Variants in ACSM1 observed in about 807,000 individuals in gnomAD.
ACSM1 encodes the protein acyl-coenzyme A synthetase ACSM1, mitochondrial.
In ACSM1, 79 loss-of-function variants were observed where a neutral mutation model predicts 75.8. That is an observed-to-expected ratio of 1.04 (90% CI 0.87 to 1.26). The LOEUF (loss-of-function observed/expected upper bound fraction) is 1.26. Ranked by LOEUF, ACSM1 falls within the 50% of genes most tolerant of loss-of-function variation. The pLI is 0.00. For missense variants in ACSM1, 676 were observed against 720.1 expected (o/e 0.94, Z 0.70); for synonymous variants, 279 against 265.8 (o/e 1.05, Z -0.48).
rs757868634 is a variant in ACSM1, at chr16:20,691,176, T to C, written c.13A>G (p.Met5Val). The C allele has an allele frequency of 8.2e-6, 13 of 1,592,258 alleles. No homozygotes were observed. Among genetic ancestry groups the C allele is most frequent in the Non-Finnish European group, 8.5e-6 (10 of 1,171,754 alleles). The change falls in exon 2 of 14, where the codon ATG becomes GTG. Residue 5 changes from methionine to valine, a missense_variant. Coordinates refer to ENST00000520010, the MANE Select transcript of ACSM1 (RefSeq NM_001318890.3). ...ATGCCCCAGAGGGTCCGGAACCTCA[T>C]TAGCCACTGCATGGTGAAACAGTCC... is the stretch of plus-strand genomic sequence containing the variant. MQWLMRFRTLWGIHK... is the reference protein window; with the variant it reads MQWLVRFRTLWGIHK...
At chr16:20,664,064 T>C (rs1478265686) in intron 6 of ACSM1, among the ~76,000 whole-genome samples, 2 of 152,154 alleles carry the variant, frequency 1.3e-5, no homozygotes, top group Non-Finnish European at 2.9e-5. Context: ...AGCAGACTCT[T>C]GCAACAGATT....
rs941855914 is a variant in ACSM1, at chr16:20,653,489, G to A, written c.992+8305C>T. ...GACCCTGTTTGCAGATGACATGATTGTATATTTAAAAAACCCCATCGTCTC... is the reference window on the plus strand; with the variant it reads ...GACCCTGTTTGCAGATGACATGATTATATATTTAAAAAACCCCATCGTCTC... On this transcript the variant is annotated intron_variant, in intron 7 of 13. Transcript: ENST00000520010. Among the ~76,000 whole-genome samples the A allele has an allele frequency of 3.3e-5, 5 of 152,260 alleles. No individual in the cohort carries two copies. In the East Asian group the frequency reaches 5.8e-4, roughly 18 times the overall value.
At chr16:20,659,825 C>T (rs2019202063) in intron 7 of ACSM1, among the ~76,000 whole-genome samples, 1 of 152,174 alleles carries the variant, frequency 6.6e-6, no homozygotes, top group Admixed American at 6.5e-5. Flanking sequence ...ACTTGGTTTC[C>T]ACAATCCTTT....
intron 2 of ACSM1, among the ~76,000 whole-genome samples, chr16:20,689,101 TGTG>T (rs1567313696): frequency 6.6e-6 from 1 of 150,768 alleles, no homozygotes; most frequent in Non-Finnish European, 1.5e-5. Context: ...TAACATAAAG[TGTG>T]GGGAGGGGCT....
At position 20,685,330 on chromosome 16, in the gene ACSM1, C is replaced by CT; in HGVS notation, c.265dup (p.Arg89LysfsTer35). On this transcript the variant is annotated frameshift_variant, in exon 3 of 14. Transcript: ENST00000520010. LOFTEE classifies it high-confidence loss of function. ...ACGGCGGGTTAGGTCTCCCATCTCT[C>CT]TGAAGCTCCACTTTACTTCATCCCC... 1 of 1,614,216 alleles carries CT rather than the reference C, an allele frequency of 6.2e-7. No homozygotes were observed. Among genetic ancestry groups the CT allele is most frequent in the Non-Finnish European group, 8.5e-7 (1 of 1,180,024 alleles).
In ACSM1 at chr16:20,669,885, G is replaced by C. The variant is rs770284765; in HGVS notation, c.854C>G (p.Ala285Gly). 6.2e-7 allele frequency: 1 copy of C among 1,613,908 alleles called. No homozygotes were observed. Among genetic ancestry groups the C allele is most frequent in the Non-Finnish European group, 8.5e-7 (1 of 1,179,896 alleles). The change falls in exon 6 of 14, where the codon GCG becomes GGG. Residue 285 changes from alanine to glycine, a missense_variant. Physicochemically the swap from Ala to Gly is moderately conservative, Grantham distance 60. Coordinates refer to ENST00000520010, the MANE Select transcript of ACSM1 (RefSeq NM_001318890.3). Reference sequence around the variant, plus strand: ...ATGGTGGATAAAGACTGTACAACCCGCTGTCCATGGTTCTACCAGGGTCCA... The same window carrying C: ...ATGGTGGATAAAGACTGTACAACCCCCTGTCCATGGTTCTACCAGGGTCCA... ...TIWTLVEPWTAGCTVFIHHLP... is the reference protein window; with the variant it reads ...TIWTLVEPWTGGCTVFIHHLP...
chr16:20,685,238 G>C lies in ACSM1; in HGVS notation c.358C>G (p.Arg120Gly). Residue 120 changes from arginine to glycine, a missense_variant, in exon 3 of 14, where the codon CGA becomes GGA. Arg to Gly is a moderately radical substitution (Grantham distance 125). Coordinates refer to ENST00000520010, the MANE Select transcript of ACSM1 (RefSeq NM_001318890.3). ...QGDHLALMLPRVPEWWLVAVG... is the reference protein window; with the variant it reads ...QGDHLALMLPGVPEWWLVAVG... ...GCCACCAGCCACCACTCAGGAACTCGAGGCAGCATCAAGGCCAGATGGTCT... is the reference window on the plus strand; with the variant it reads ...GCCACCAGCCACCACTCAGGAACTCCAGGCAGCATCAAGGCCAGATGGTCT... The C allele has an allele frequency of 1.9e-6, 3 of 1,614,160 alleles. No individual in the cohort carries two copies. Among genetic ancestry groups the C allele is most frequent in the Middle Eastern group, 1.6e-4 (1 of 6,062 alleles).
In ACSM1 at chr16:20,656,890, G is replaced by A. The variant is rs192863454; in HGVS notation, c.992+4904C>T. The stretch of plus-strand genomic sequence containing the variant: ...AAGACCAAACCCTCCAAATCAAGAA[G>A]AGGTTACAAAAAAAAAAAAAATGCC... On this transcript the variant is annotated intron_variant, in intron 7 of 13. Coordinates refer to ENST00000520010, the MANE Select transcript of ACSM1 (RefSeq NM_001318890.3). Among the ~76,000 whole-genome samples the A allele has an allele frequency of 7.2e-3, 986 of 137,142 alleles. 5 individuals carry two copies. Among genetic ancestry groups the A allele is most frequent in the African/African-American group, 0.026 (937 of 36,710 alleles). The allele number at this position is 137,142 out of a possible 152,430, so 90.0% of individuals were successfully genotyped here.
intron 8 of ACSM1, among the ~76,000 whole-genome samples, 157 bp downstream of exon 8, chr16:20,640,304 A>C (rs917502584): frequency 6.6e-6 from 1 of 152,172 alleles, no homozygotes; most frequent in Non-Finnish European, 1.5e-5. Flanking sequence ...TTTTTCCCCA[A>C]TATCTGCCTT....
intron 1 of ACSM1, among the ~76,000 whole-genome samples, chr16:20,696,181 G>A (rs2079688773): frequency 6.6e-6 from 1 of 152,194 alleles, no homozygotes; most frequent in Admixed American, 6.5e-5. Context: ...TACACTCTAT[G>A]AGTTCCCATA....
At chr16:20,644,794 A>T (rs2018267625) in intron 7 of ACSM1, among the ~76,000 whole-genome samples, 1 of 152,242 alleles carries the variant, frequency 6.6e-6, no homozygotes, top group South Asian at 2.1e-4. Flanking sequence ...CAAACTTACA[A>T]GGGTTTAAAC....
intron 7 of ACSM1, among the ~76,000 whole-genome samples, chr16:20,655,046 C>T (rs911447717): frequency 3.0e-4 from 46 of 152,188 alleles, no homozygotes; most frequent in Non-Finnish European, 5.4e-4. Flanking sequence ...GGCACATATA[C>T]ACCATGGAAT....
At chr16:20,624,350 G>T in intron 12 of ACSM1, 135 bp from the exon 13 acceptor site, 2 of 1,052,310 alleles carry the variant, frequency 1.9e-6, no homozygotes, top group Non-Finnish European at 2.5e-6. Context: ...AGGACCAGGT[G>T]TAAATCCCTG....
At chr16:20,657,300 T>G (rs1426617062) in intron 7 of ACSM1, among the ~76,000 whole-genome samples, 1 of 150,446 alleles carries the variant, frequency 6.6e-6, no homozygotes, top group Non-Finnish European at 1.5e-5. Context: ...GTTTTTTTGG[T>G]TTTGTTTTTT....
chr16:20,642,491 G>A (rs1048855211), intron 7 of ACSM1, among the ~76,000 whole-genome samples: 1 of 152,188 alleles, frequency 6.6e-6, no homozygotes, highest in African/African-American at 2.4e-5. Context: ...TATTCAGAAG[G>A]CTAGAGCCAA....
chr16:20,640,971 G>A (rs1404990154), intron 7 of ACSM1, among the ~76,000 whole-genome samples: 1 of 152,152 alleles, frequency 6.6e-6, no homozygotes, highest in East Asian at 1.9e-4. Flanking sequence ...ACATGCTAGG[G>A]TGATAATAGA....
At chr16:20,697,065 G>T (rs1474495464) in intron 1 of ACSM1, among the ~76,000 whole-genome samples, 1 of 152,036 alleles carries the variant, frequency 6.6e-6, no homozygotes, top group Non-Finnish European at 1.5e-5. Context: ...AAATTCTGAA[G>T]CCAACCCCCT....
chr16:20,695,773 G>T (rs538002798), intron 1 of ACSM1, among the ~76,000 whole-genome samples: 80 of 152,066 alleles, frequency 5.3e-4, no homozygotes, highest in African/African-American at 1.8e-3. Flanking sequence ...CTATGTCTGC[G>T]TCTATCTCTA....
At chr16:20,641,120 G>T (rs2152218165) in intron 7 of ACSM1, among the ~76,000 whole-genome samples, 1 of 152,096 alleles carries the variant, frequency 6.6e-6, no homozygotes, top group East Asian at 1.9e-4. Flanking sequence ...AAAGAGAGAG[G>T]GAGAAGCATT....
Sources: gnomAD v4.1 joint callset for allele counts (sites outside exome capture counted in the v4.1 genomes callset) on GRCh38, gnomAD v4.1.1 for gene constraint, MANE v1.5 for transcripts, NCBI Gene and HGNC (gene_info 2026-07-23, HGNC 2026-07-21) for gene names.